Variants in IMMP2L observed in about 807,000 individuals in gnomAD.
IMMP2L encodes inner mitochondrial membrane peptidase subunit 2.
Under a neutral mutation model 19.3 loss-of-function variants are expected in IMMP2L, and 18 were observed. That is an observed-to-expected ratio of 0.93 (90% confidence interval 0.64 to 1.38). The LOEUF is 1.38. Among genes scored for constraint, IMMP2L ranks in the 40% most tolerant of loss-of-function variants. The pLI is 0.00. For missense variants in IMMP2L, 233 were observed against 218.2 expected (o/e 1.07, Z -0.43); for synonymous variants, 76 against 73.0 (o/e 1.04, Z -0.21).
At chr7:110,962,133 G>C (rs1186566385) in intron 4 of IMMP2L, among the ~76,000 whole-genome samples, 12 of 151,858 alleles carry the variant, frequency 7.9e-5, no homozygotes, top group Admixed American at 7.9e-4. Context: ...CTACTAATGA[G>C]CACTCAATCC....
chr7:110,841,439 T>C (rs1439119643), intron 5 of IMMP2L, among the ~76,000 whole-genome samples: 3 of 152,044 alleles, frequency 2.0e-5, no homozygotes, highest in Non-Finnish European at 2.9e-5. Context: ...TAATGATAGA[T>C]GACAAAGTAG....
intron 5 of IMMP2L, among the ~76,000 whole-genome samples, chr7:110,733,019 C>T (rs1384519976): frequency 6.6e-6 from 1 of 152,108 alleles, no homozygotes; most frequent in African/African-American, 2.4e-5. Context: ...AACTCCTGGC[C>T]TCAAGTGATA....
At chr7:111,334,301 T>G (rs6945816) in intron 3 of IMMP2L, among the ~76,000 whole-genome samples, 3,262 of 152,070 alleles carry the variant, frequency 0.021, 123 homozygotes, top group African/African-American at 0.074. Context: ...CCCACATGAA[T>G]GTGAACATGT....
chr7:111,074,344 C>G (rs1045411657), intron 3 of IMMP2L, among the ~76,000 whole-genome samples: 1 of 152,180 alleles, frequency 6.6e-6, no homozygotes. Flanking sequence ...TTATAGAATA[C>G]TAATTTGCTT....
chr7:110,913,914 T>A (rs951248509), intron 4 of IMMP2L, among the ~76,000 whole-genome samples: 3 of 152,332 alleles, frequency 2.0e-5, no homozygotes, highest in Middle Eastern at 3.4e-3. Context: ...ACTGTTGGGT[T>A]GGAGGAGGGA....
At chr7:110,915,776 AAAAT>A (rs1813542687) in intron 4 of IMMP2L, among the ~76,000 whole-genome samples, 1 of 151,922 alleles carries the variant, frequency 6.6e-6, no homozygotes, top group Non-Finnish European at 1.5e-5. Context: ...TTAAAATTAA[AAAAT>A]AAAACATTAT....
rs115683186 is a variant in IMMP2L, at chr7:111,094,207, A to G, written c.240-130642T>C. Among the ~76,000 whole-genome samples the G allele has an allele frequency of 9.7e-3, 1,472 of 152,214 alleles. 23 individuals are homozygous for G. The highest frequency in any genetic ancestry group is 0.033 in the African/African-American group (1,366 of 41,544). On this transcript the variant is annotated intron_variant, in intron 3 of 5. Transcript: ENST00000405709. ...GGCACTATGGTATTTATTACAATCT[A>G]AGTTGATCAGAAAGCTCTATAACCG...
At chr7:110,716,634 T>G (rs77511445) in intron 5 of IMMP2L, among the ~76,000 whole-genome samples, 3,299 of 152,308 alleles carry the variant, frequency 0.022, 126 homozygotes, top group African/African-American at 0.076. Flanking sequence ...GCACCTAATC[T>G]CTCTTGTCTT....
At chr7:111,048,259 A>AC (rs1792635451) in intron 3 of IMMP2L, among the ~76,000 whole-genome samples, 1 of 149,278 alleles carries the variant, frequency 6.7e-6, no homozygotes, top group Non-Finnish European at 1.5e-5. Context: ...AAAAAAAAAA[A>AC]AAAAAAGAAA....
intron 3 of IMMP2L, among the ~76,000 whole-genome samples, chr7:110,976,214 C>G (rs1273114203): frequency 4.0e-5 from 6 of 151,842 alleles, no homozygotes; most frequent in Admixed American, 1.3e-4. Flanking sequence ...TAGTGTTACC[C>G]TTCTCATTAT....
At chr7:110,678,930 T>C (rs1792508724) in intron 5 of IMMP2L, among the ~76,000 whole-genome samples, 2 of 152,206 alleles carry the variant, frequency 1.3e-5, no homozygotes, top group African/African-American at 2.4e-5. Context: ...AGACTCTCTC[T>C]TTCAAAGGCC....
intron 3 of IMMP2L, among the ~76,000 whole-genome samples, chr7:111,387,695 C>T (rs577447509): frequency 2.0e-5 from 3 of 151,862 alleles, no homozygotes; most frequent in Admixed American, 1.3e-4. Context: ...AACTAAAATA[C>T]GGCCAGGCGC....
chr7:111,222,577 C>A (rs1812636277), intron 3 of IMMP2L, among the ~76,000 whole-genome samples: 2 of 151,666 alleles, frequency 1.3e-5, no homozygotes, highest in South Asian at 4.1e-4. Context: ...AGATGTTCAG[C>A]CTCAGTAGTA....
intron 3 of IMMP2L, among the ~76,000 whole-genome samples, chr7:111,444,706 AAAC>A (rs1293590941): frequency 2.0e-5 from 3 of 152,148 alleles, no homozygotes; most frequent in Non-Finnish European, 4.4e-5. Flanking sequence ...CTCAGAAAAT[AAAC>A]AACAGGACAC....
intron 4 of IMMP2L, among the ~76,000 whole-genome samples, chr7:110,904,158 G>A (rs144876831): frequency 1.3e-5 from 2 of 152,164 alleles, no homozygotes; most frequent in Non-Finnish European, 2.9e-5. Flanking sequence ...TATAGATTAA[G>A]CCCAGATATA....
intron 5 of IMMP2L, among the ~76,000 whole-genome samples, chr7:110,831,781 A>G (rs1803991540): frequency 6.6e-6 from 1 of 152,178 alleles, no homozygotes. Context: ...TGTTCTCTAG[A>G]CATTTGGGGT....
intron 3 of IMMP2L, among the ~76,000 whole-genome samples, chr7:111,352,917 G>A (rs1369790085): frequency 6.6e-6 from 1 of 152,108 alleles, no homozygotes; most frequent in Admixed American, 6.6e-5. Flanking sequence ...CACTGGTCTT[G>A]CATCCAGCTC....
chr7:110,836,852 G>C (rs998294386), intron 5 of IMMP2L, among the ~76,000 whole-genome samples: 1 of 152,126 alleles, frequency 6.6e-6, no homozygotes, highest in Non-Finnish European at 1.5e-5. Context: ...TTTAAAGACT[G>C]ATAAATCCAG....
intron 3 of IMMP2L, among the ~76,000 whole-genome samples, chr7:111,366,258 C>A (rs960670325): frequency 1.3e-5 from 2 of 150,992 alleles, no homozygotes; most frequent in African/African-American, 4.9e-5. Context: ...ATATAATATC[C>A]TGGCTAGGAA....
Sources: gnomAD v4.1 joint callset for allele counts (sites outside exome capture counted in the v4.1 genomes callset) on GRCh38, gnomAD v4.1.1 for gene constraint, MANE v1.5 for transcripts, NCBI Gene and HGNC (gene_info 2026-07-23, HGNC 2026-07-21) for gene names.